The following PTPN12 variants were observed in gnomAD, a reference collection of about 807,000 sequenced individuals.
The protein encoded by PTPN12 is protein tyrosine phosphatase non-receptor type 12.
A neutral mutation model predicts 97.6 loss-of-function variants in PTPN12; 29 were observed. The ratio of observed to expected loss-of-function variants is 0.30; its 90% CI spans 0.22 to 0.41. PTPN12 has a LOEUF of 0.41. Among genes scored for constraint, PTPN12 ranks in the 10% least tolerant of loss-of-function variants. The pLI, the probability that PTPN12 is intolerant of heterozygous loss-of-function variation, is 1.00. For missense variants in PTPN12, 819 were observed against 926.0 expected (o/e 0.88, Z 1.50); for synonymous variants, 327 against 300.4 (o/e 1.09, Z -0.91).
intron 1 of PTPN12, among the ~76,000 whole-genome samples, chr7:77,541,611 A>T (rs1359691800): frequency 6.6e-6 from 1 of 152,234 alleles, no homozygotes; most frequent in African/African-American, 2.4e-5. Context: ...GTCAGTTTAT[A>T]CAACTGTCAT....
chr7:77,584,526 A>C (rs1787623964), intron 4 of PTPN12, among the ~76,000 whole-genome samples: 1 of 152,290 alleles, frequency 6.6e-6, no homozygotes, highest in South Asian at 2.1e-4. Context: ...GGATTTGTGC[A>C]TTTCATTATA....
rs1228892484 is a variant in PTPN12 at position 77,537,371 on chromosome 7, G to A, written c.-176G>A. 1.2e-5 allele frequency: 11 copies of A among 883,846 alleles called. No individual in the cohort carries two copies. Among genetic ancestry groups the A allele is most frequent in the Non-Finnish European group, 1.7e-5 (11 of 632,918 alleles). The allele number at this position is 883,846 out of a possible 1,614,324, so 54.8% of individuals were successfully genotyped here. A position where few individuals can be genotyped will look rare whatever the true frequency, so the allele number is the denominator to read the frequency against. ...AAGTTGTGGTGTCGGGAGCCCAGCC[G>A]GTGCCGCCGCAGCCGCCGCCTAGGG... On this transcript the variant is annotated 5_prime_UTR_variant, in exon 1 of 18. Coordinates refer to ENST00000248594, the MANE Select transcript of PTPN12 (RefSeq NM_002835.4).
At chr7:77,638,935 A>G (rs916086882) in intron 17 of PTPN12, 4 of 945,756 alleles carry the variant, frequency 4.2e-6, no homozygotes, top group African/African-American at 1.7e-5. Flanking sequence ...AGTATAAAAA[A>G]TCTTTTGTGT....
At chr7:77,632,156 C>T (rs1485691961) in intron 13 of PTPN12, among the ~76,000 whole-genome samples, 192 bp from the exon 14 acceptor site, 1 of 152,150 alleles carries the variant, frequency 6.6e-6, no homozygotes, top group Admixed American at 6.5e-5. Context: ...AGAGTCATTT[C>T]TGTATACATT....
chr7:77,617,604 T>C (rs149729626), intron 11 of PTPN12, among the ~76,000 whole-genome samples: 1 of 152,288 alleles, frequency 6.6e-6, no homozygotes, highest in Non-Finnish European at 1.5e-5. Flanking sequence ...TAGTTGATAG[T>C]ATGTGTAACG....
chr7:77,621,016 T>C lies in PTPN12; in HGVS notation c.1025+2451T>C, dbSNP rs545038175. On this transcript the variant is annotated intron_variant, in intron 12 of 17. Transcript: ENST00000248594. ...GTGGCTCACGCCTGTAGTCCCAACA[T>C]TTTGGGAGGCTAAGGTGGGCGGATT... 1.2e-4 allele frequency among the ~76,000 whole-genome samples: 18 copies of C among 152,156 alleles called. No homozygotes were observed. In the South Asian group the frequency reaches 3.7e-3, roughly 32 times the overall value.
intron 2 of PTPN12, among the ~76,000 whole-genome samples, chr7:77,578,816 G>A (rs1787417637): frequency 6.6e-6 from 1 of 152,032 alleles, no homozygotes; most frequent in Admixed American, 6.6e-5. Context: ...TGAATACTAG[G>A]CAATTCTACT....
At chr7:77,546,596 T>A (rs137952955) in intron 1 of PTPN12, among the ~76,000 whole-genome samples, 4 of 152,240 alleles carry the variant, frequency 2.6e-5, no homozygotes, top group African/African-American at 4.8e-5. Flanking sequence ...ATGGCAGATA[T>A]AAGAAGCAAA....
chr7:77,633,100 G>A lies in PTPN12; in HGVS notation c.2074+675G>A, dbSNP rs181501364. ...AGCGTGACCAACATGGAGAAACCCCGTCTCTACTAAAAATACAAAATTAGC... is the reference window on the plus strand; with the variant it reads ...AGCGTGACCAACATGGAGAAACCCCATCTCTACTAAAAATACAAAATTAGC... On this transcript the variant is annotated intron_variant, in intron 14 of 17. Transcript: ENST00000248594. Among the ~76,000 whole-genome samples, 1,161 of 152,046 alleles carry A rather than the reference G, an allele frequency of 7.6e-3. 18 individuals are homozygous for A. Among genetic ancestry groups the A allele is most frequent in the Non-Finnish European group, 8.0e-3 (546 of 67,988 alleles).
chr7:77,581,709 A>T (rs1787521236), intron 3 of PTPN12, among the ~76,000 whole-genome samples: 2 of 152,198 alleles, frequency 1.3e-5, no homozygotes, highest in African/African-American at 4.8e-5. Context: ...TAGTTTTGTG[A>T]TAGCAGAGAT....
At chr7:77,638,976 C>A in intron 17 of PTPN12, 1 of 742,484 alleles carries the variant, frequency 1.3e-6, no homozygotes, top group Non-Finnish European at 2.0e-6. Flanking sequence ...GGATATTTTT[C>A]TTACATTGTG....
At chr7:77,555,819 G>C (rs1807684758) in intron 1 of PTPN12, among the ~76,000 whole-genome samples, 1 of 151,968 alleles carries the variant, frequency 6.6e-6, no homozygotes, top group African/African-American at 2.4e-5. Flanking sequence ...GGAGGCTGAG[G>C]CAGGAGAATG....
chr7:77,626,444 G>A (rs1789182718), intron 12 of PTPN12, among the ~76,000 whole-genome samples: 2 of 152,192 alleles, frequency 1.3e-5, no homozygotes, highest in African/African-American at 2.4e-5. Flanking sequence ...ATAAAAAAAT[G>A]TTGAAAGTTG....
rs895805071 is a variant in PTPN12, at chr7:77,618,474, T to C, written c.940-6T>C. The C allele has an allele frequency of 1.3e-5, 21 of 1,566,374 alleles. No individual in the cohort carries two copies. The highest frequency in any genetic ancestry group is 1.7e-5 in the Non-Finnish European group (20 of 1,148,232). ...AACCTTAGTGAAGTATTTTTTCCCT[T>C]GGCAGAATGAAATTAACACTGAAAA... On this transcript the variant is annotated splice_region_variant and splice_polypyrimidine_tract_variant and intron_variant, in intron 11 of 17. Transcript: ENST00000248594.
intron 6 of PTPN12, among the ~76,000 whole-genome samples, chr7:77,597,162 C>G (rs150684530): frequency 0.018 from 2,789 of 152,146 alleles, 33 homozygotes; most frequent in Middle Eastern, 0.071. Flanking sequence ...CTTGCTCTGT[C>G]GCCCAGGCTG....
chr7:77,587,971 C>T (rs1391070172), intron 5 of PTPN12, among the ~76,000 whole-genome samples: 1 of 152,172 alleles, frequency 6.6e-6, no homozygotes, highest in East Asian at 1.9e-4. Context: ...GAGTTAGTGC[C>T]TTGCTCTGGA....
At chr7:77,557,714 A>C (rs916871508) in intron 1 of PTPN12, among the ~76,000 whole-genome samples, 1 of 152,192 alleles carries the variant, frequency 6.6e-6, no homozygotes, top group Non-Finnish European at 1.5e-5. Flanking sequence ...GAGCTTCTAT[A>C]TATCAATTAA....
At chr7:77,617,364 C>T (rs1052300971) in intron 11 of PTPN12, among the ~76,000 whole-genome samples, 2 of 152,128 alleles carry the variant, frequency 1.3e-5, no homozygotes, top group Non-Finnish European at 2.9e-5. Flanking sequence ...TATGACATAA[C>T]TCTGTTGTTC....
At chr7:77,552,293 A>G (rs1807513424) in intron 1 of PTPN12, among the ~76,000 whole-genome samples, 1 of 144,948 alleles carries the variant, frequency 6.9e-6, no homozygotes, top group Admixed American at 7.4e-5. Flanking sequence ...GATTACTTTT[A>G]AAGTATGTTT....
Sources: allele counts gnomAD v4.1 joint callset (sites outside exome capture counted in the v4.1 genomes callset), GRCh38; gene constraint gnomAD v4.1.1; transcripts MANE v1.5; gene names NCBI Gene and HGNC (gene_info 2026-07-23, HGNC 2026-07-21).